RIMBP2: variants seen among roughly 807,000 people sequenced by gnomAD.
The protein encoded by RIMBP2 is RIMS binding protein 2.
A neutral mutation model predicts 118.6 loss-of-function variants in RIMBP2; 48 were observed. That is an observed-to-expected ratio of 0.40 (90% CI 0.32 to 0.51). The LOEUF (loss-of-function observed/expected upper bound fraction) is 0.51. RIMBP2 is among the 20% of genes least tolerant of loss of function. The pLI, the probability that RIMBP2 is intolerant of heterozygous loss-of-function variation, is 0.41. For missense variants in RIMBP2, 1,551 were observed against 1,768.3 expected (o/e 0.88, Z 2.20); for synonymous variants, 762 against 742.9 (o/e 1.03, Z -0.42).
chr12:130,463,964 G>A (rs1431017240), intron 6 of RIMBP2, among the ~76,000 whole-genome samples: 17 of 151,800 alleles, frequency 1.1e-4, no homozygotes. Flanking sequence ...TGCATTGGCT[G>A]CTAAAAGACA....
In RIMBP2 at chr12:130,523,461, T is replaced by C. The variant is rs1173737082; in HGVS notation, c.-216-5544A>G. ...TAGCCTCTGCTAAAGCAACGAGACA[T>C]GGACAGGAGCCTTCACAGTGTCTCC... On this transcript the variant is annotated intron_variant, in intron 2 of 22. Coordinates refer to ENST00000690449, the MANE Select transcript of RIMBP2 (RefSeq NM_001393629.1). This position sits in a 1 kb window ranked among gnomAD's most constrained non-coding sequence, Gnocchi z 4.4. 6.6e-6 allele frequency among the ~76,000 whole-genome samples: 1 copy of C among 152,160 alleles called. No homozygotes were observed. Among genetic ancestry groups the C allele is most frequent in the African/African-American group, 2.4e-5 (1 of 41,438 alleles).
intron 1 of RIMBP2, among the ~76,000 whole-genome samples, chr12:130,645,492 G>A (rs932441764): frequency 2.0e-5 from 3 of 152,200 alleles, no homozygotes; most frequent in African/African-American, 7.2e-5. Context: ...TAACCAGCCA[G>A]CACCTTCCAC....
At chr12:130,600,054 C>T (rs957570646) in intron 2 of RIMBP2, among the ~76,000 whole-genome samples, 3 of 152,214 alleles carry the variant, frequency 2.0e-5, no homozygotes, top group African/African-American at 7.2e-5. Context: ...CTCCACCTTT[C>T]TAGTCTGGAG....
At chr12:130,663,294 G>A (rs955716933) in intron 1 of RIMBP2, among the ~76,000 whole-genome samples, 11 of 152,162 alleles carry the variant, frequency 7.2e-5, no homozygotes, top group African/African-American at 1.9e-4. Context: ...CTGTCCATGC[G>A]CCCTGAGACA....
chr12:130,553,161 A>G (rs550102358), intron 2 of RIMBP2, among the ~76,000 whole-genome samples: 8 of 149,584 alleles, frequency 5.3e-5, no homozygotes, highest in African/African-American at 1.7e-4. Context: ...TCAAAAAAAA[A>G]AAAAGAAAAG....
chr12:130,704,899 T>C (rs544318744), intron 1 of RIMBP2, among the ~76,000 whole-genome samples: 2 of 152,144 alleles, frequency 1.3e-5, no homozygotes, highest in East Asian at 3.9e-4. Flanking sequence ...CAAGTCCCTG[T>C]CTCCACGATG....
At chr12:130,501,163 C>T (rs2049735277) in intron 4 of RIMBP2, among the ~76,000 whole-genome samples, 1 of 152,164 alleles carries the variant, frequency 6.6e-6, no homozygotes, top group Admixed American at 6.5e-5. Context: ...TATCAGCAAA[C>T]CCTGTTGATT....
At chr12:130,457,957 C>T (rs1420753913) in intron 6 of RIMBP2, among the ~76,000 whole-genome samples, 4 of 152,132 alleles carry the variant, frequency 2.6e-5, no homozygotes, top group Non-Finnish European at 2.9e-5. Context: ...GTGGGGCTGA[C>T]GACACTGACG....
chr12:130,622,043 C>T lies in RIMBP2; in HGVS notation c.-217+6279G>A, dbSNP rs940793051. ...AACCAACAAAATGGAATTTAAAATA[C>T]ATAATTGCTTTAGTCATGAAGAGTA... On this transcript the variant is annotated intron_variant, in intron 2 of 22. Transcript: ENST00000690449. The surrounding 1 kb of genome is among the most constrained non-coding windows in gnomAD (Gnocchi z 8.5). Among the ~76,000 whole-genome samples the T allele has an allele frequency of 4.6e-5, 7 of 152,216 alleles. No homozygotes were observed. Among genetic ancestry groups the T allele is most frequent in the Non-Finnish European group, 7.3e-5 (5 of 68,030 alleles).
chr12:130,559,646 G>A (rs578231705), intron 2 of RIMBP2, among the ~76,000 whole-genome samples: 1 of 152,294 alleles, frequency 6.6e-6, no homozygotes, highest in African/African-American at 2.4e-5. Flanking sequence ...ATTTGTTAAG[G>A]GTGGGCTGGG....
intron 2 of RIMBP2, among the ~76,000 whole-genome samples, chr12:130,600,097 A>G (rs1281729326): frequency 6.6e-6 from 1 of 152,178 alleles, no homozygotes; most frequent in Non-Finnish European, 1.5e-5. Context: ...ACCAGTGTAC[A>G]TCTTACACAT....
chr12:130,413,751 T>C (rs1005261297), intron 18 of RIMBP2, among the ~76,000 whole-genome samples: 1 of 151,816 alleles, frequency 6.6e-6, no homozygotes, highest in African/African-American at 2.4e-5. Context: ...GATGCTCCCT[T>C]CTTCCCTTTT....
chr12:130,422,799 G>A lies in RIMBP2; in HGVS notation c.3130-238C>T, dbSNP rs2292671. Among the ~76,000 whole-genome samples the A allele has an allele frequency of 0.05, 7,659 of 152,046 alleles. 469 individuals are homozygous for A. The highest frequency in any genetic ancestry group is 0.19 in the Admixed American group (2,881 of 15,266). ...GGTGAGGGCAAAAATAATTCCTTGTGGGGGGGTCTCTTTTGGTTGCTGCTG... is the reference window on the plus strand; with the variant it reads ...GGTGAGGGCAAAAATAATTCCTTGTAGGGGGGTCTCTTTTGGTTGCTGCTG... On this transcript the variant is annotated intron_variant, in intron 16 of 22. Transcript: ENST00000690449. The surrounding 1 kb of genome is among the most constrained non-coding windows in gnomAD (Gnocchi z 5.2).
intron 1 of RIMBP2, among the ~76,000 whole-genome samples, chr12:130,646,592 G>T (rs79246502): frequency 0.013 from 2,011 of 151,368 alleles, 18 homozygotes; most frequent in South Asian, 0.062. Flanking sequence ...GCAAGCACAC[G>T]CATCTCCACA....
At chr12:130,591,025 T>C (rs1375004682) in intron 2 of RIMBP2, among the ~76,000 whole-genome samples, 3 of 152,214 alleles carry the variant, frequency 2.0e-5, no homozygotes, top group Non-Finnish European at 4.4e-5. Flanking sequence ...AGAGAAGGAT[T>C]AACATCTTCT....
chr12:130,485,502 C>T lies in RIMBP2; in HGVS notation c.-3-6486G>A, dbSNP rs145828403. Among the ~76,000 whole-genome samples, 72 of 152,400 alleles carry T rather than the reference C, an allele frequency of 4.7e-4. 1 individual carries two copies. In the South Asian group the frequency reaches 6.0e-3, roughly 13 times the overall value. ...GGGGCCAGGGCAGAGAAGCAGCTTT[C>T]GACTTCCTCGCGGCCCACCTGGCCT... is the stretch of plus-strand genomic sequence containing the variant. On this transcript the variant is annotated intron_variant, in intron 4 of 22. Coordinates refer to ENST00000690449, the MANE Select transcript of RIMBP2 (RefSeq NM_001393629.1).
rs538495873 is a variant in RIMBP2, at chr12:130,398,044, GA to G, written c.3901-496del. ...ATTGGAGATGGCACACTGGTTGAAA[GA>G]AAAAAAAAAACTAAAATGAACCTTA... is the stretch of plus-strand genomic sequence containing the variant. On this transcript the variant is annotated intron_variant, in intron 22 of 22. Coordinates refer to ENST00000690449, the MANE Select transcript of RIMBP2 (RefSeq NM_001393629.1). The G allele has an allele frequency of 1.9e-3, 267 of 142,658 alleles. 4 individuals carry two copies. Among genetic ancestry groups the G allele is most frequent in the South Asian group, 6.6e-3 (30 of 4,512 alleles). The allele number at this position is 142,658 out of a possible 1,614,324, so 8.8% of individuals were successfully genotyped here. A position where few individuals can be genotyped will look rare whatever the true frequency, so the allele number is the denominator to read the frequency against.
chr12:130,417,374 G>T (rs2076163681), intron 17 of RIMBP2, among the ~76,000 whole-genome samples: 2 of 152,208 alleles, frequency 1.3e-5, no homozygotes, highest in Non-Finnish European at 2.9e-5. Flanking sequence ...TAAAGATGTG[G>T]TGCGTATACC....
intron 1 of RIMBP2, among the ~76,000 whole-genome samples, chr12:130,690,237 G>A (rs1038412658): frequency 6.6e-6 from 1 of 152,268 alleles, no homozygotes; most frequent in Non-Finnish European, 1.5e-5. Context: ...CTTTCTCAGG[G>A]CCCACCATGC....
Sources: gnomAD v4.1 joint callset for allele counts (sites outside exome capture counted in the v4.1 genomes callset) on GRCh38, gnomAD v4.1.1 for gene constraint, Gnocchi (gnomAD v3.1) non-coding constraint, MANE v1.5 for transcripts, NCBI Gene and HGNC (gene_info 2026-07-23, HGNC 2026-07-21) for gene names.